ZFPM2: variants seen among roughly 807,000 people sequenced by gnomAD.
ZFPM2 encodes the protein zinc finger protein, FOG family member 2.
ZFPM2 carries 20 observed loss-of-function variants against 98.6 expected under a neutral mutation model. The ratio of observed to expected loss-of-function variants is 0.20; its 90% CI spans 0.14 to 0.29. ZFPM2 has a LOEUF of 0.29. ZFPM2 is among the 10% of genes least tolerant of loss of function. The pLI is 1.00. For synonymous variants in ZFPM2, 518 were observed against 502.7 expected (o/e 1.03, Z -0.41); for missense variants, 1,310 against 1,388.6 (o/e 0.94, Z 0.90).
intron 4 of ZFPM2, among the ~76,000 whole-genome samples, chr8:105,591,449 A>C (rs1225782341): frequency 2.0e-5 from 3 of 152,226 alleles, no homozygotes; most frequent in Non-Finnish European, 4.4e-5. Context: ...TTATATAGAC[A>C]GTACTGTAAA....
At chr8:105,552,545 C>T (rs2130666787) in intron 3 of ZFPM2, among the ~76,000 whole-genome samples, 1 of 152,292 alleles carries the variant, frequency 6.6e-6, no homozygotes, top group East Asian at 1.9e-4. Context: ...GCTGAAAAGT[C>T]TCCAACGACC....
intron 1 of ZFPM2, among the ~76,000 whole-genome samples, chr8:105,344,650 C>T (rs1306339959): frequency 6.6e-6 from 1 of 151,742 alleles, no homozygotes; most frequent in Non-Finnish European, 1.5e-5. Context: ...TTCTGTGTGC[C>T]CCCTTCATTT....
chr8:105,640,630 C>T (rs1816932468), intron 5 of ZFPM2, among the ~76,000 whole-genome samples: 2 of 152,022 alleles, frequency 1.3e-5, no homozygotes, highest in Admixed American at 1.3e-4. Context: ...TTTCTGCACA[C>T]TCTCTAAATT....
At chr8:105,616,935 T>G (rs1312528998) in intron 4 of ZFPM2, among the ~76,000 whole-genome samples, 2 of 143,034 alleles carry the variant, frequency 1.4e-5, no homozygotes, top group Non-Finnish European at 3.0e-5. Context: ...TGAGAATCAC[T>G]TGAACCTGGG....
rs1296532659 is a variant in ZFPM2 at position 105,763,075 on chromosome 8, T to A, written c.533-25643T>A. On this transcript the variant is annotated intron_variant, in intron 5 of 7. Coordinates refer to ENST00000407775, the MANE Select transcript of ZFPM2 (RefSeq NM_012082.4). ...TTATTTCTTTCTTTTTTTTTTTTTT[T>A]AGTTTCCCCTAATCTATCCAGCTTT... Among the ~76,000 whole-genome samples the A allele has an allele frequency of 2.0e-5, 3 of 150,032 alleles. No individual in the cohort carries two copies. In the East Asian group the frequency reaches 5.9e-4, roughly 29 times the overall value.
intron 5 of ZFPM2, among the ~76,000 whole-genome samples, chr8:105,651,697 C>A (rs1817181934): frequency 6.6e-6 from 1 of 150,972 alleles, no homozygotes; most frequent in African/African-American, 2.5e-5. Context: ...ACCTCAAAGG[C>A]AACAATTCAA....
intron 1 of ZFPM2, among the ~76,000 whole-genome samples, chr8:105,410,683 C>G (rs1329256049): frequency 6.6e-6 from 1 of 151,760 alleles, no homozygotes; most frequent in Non-Finnish European, 1.5e-5. Flanking sequence ...AGAATAGTAG[C>G]AATATTTTGA....
intron 2 of ZFPM2, among the ~76,000 whole-genome samples, chr8:105,429,880 T>A (rs747816471): frequency 6.6e-6 from 1 of 152,220 alleles, no homozygotes; most frequent in Non-Finnish European, 1.5e-5. Flanking sequence ...CATCTTATTT[T>A]CACACTGTTA....
chr8:105,610,025 C>T (rs1563741705), intron 4 of ZFPM2, among the ~76,000 whole-genome samples: 1 of 152,088 alleles, frequency 6.6e-6, no homozygotes, highest in Non-Finnish European at 1.5e-5. Flanking sequence ...GATAGGATAA[C>T]CAGAGCATAA....
rs571657880 is a variant in ZFPM2, at chr8:105,377,768, A to T, written c.41-41376A>T. ...GCACACCAGCCTGAGTGACAGATCA[A>T]TACTCTGTCTCAAAAGAAAAATAAA... On this transcript the variant is annotated intron_variant, in intron 1 of 7. Coordinates refer to ENST00000407775, the MANE Select transcript of ZFPM2 (RefSeq NM_012082.4). Among the ~76,000 whole-genome samples, 286 of 152,276 alleles carry T rather than the reference A, an allele frequency of 1.9e-3. 1 individual carries two copies. Among genetic ancestry groups the T allele is most frequent in the African/African-American group, 6.6e-3 (275 of 41,550 alleles).
chr8:105,663,934 C>T (rs1817440829), intron 5 of ZFPM2, among the ~76,000 whole-genome samples: 1 of 152,088 alleles, frequency 6.6e-6, no homozygotes, highest in Non-Finnish European at 1.5e-5. Context: ...AGTAAACACC[C>T]CCACTTGAAA....
intron 3 of ZFPM2, among the ~76,000 whole-genome samples, chr8:105,531,024 A>G (rs1814286850): frequency 6.6e-6 from 1 of 152,146 alleles, no homozygotes; most frequent in Admixed American, 6.6e-5. Context: ...CTAAGAAATA[A>G]TTGTCTTAAA....
At chr8:105,731,059 A>G (rs1369124306) in intron 5 of ZFPM2, among the ~76,000 whole-genome samples, 1 of 151,638 alleles carries the variant, frequency 6.6e-6, no homozygotes, top group Admixed American at 6.6e-5. Context: ...AGAGCAAAAT[A>G]AAACTGAAAA....
intron 5 of ZFPM2, chr8:105,737,469 T>C (rs1278198368): frequency 6.5e-6 from 1 of 153,004 alleles, no homozygotes; most frequent in Non-Finnish European, 1.5e-5. Context: ...AGTGCTATTT[T>C]CACTATGCTT....
At chr8:105,665,388 A>G (rs1235848720) in intron 5 of ZFPM2, among the ~76,000 whole-genome samples, 4 of 152,162 alleles carry the variant, frequency 2.6e-5, no homozygotes, top group South Asian at 2.1e-4. Flanking sequence ...CTTATTTATT[A>G]TATTGGTACA....
chr8:105,343,056 A>G (rs1458453555), intron 1 of ZFPM2, among the ~76,000 whole-genome samples: 1 of 152,122 alleles, frequency 6.6e-6, no homozygotes. Context: ...AGTGGGAAAC[A>G]TGAATTAACA....
intron 1 of ZFPM2, among the ~76,000 whole-genome samples, chr8:105,339,207 C>T (rs1209604010): frequency 6.6e-6 from 1 of 151,790 alleles, no homozygotes; most frequent in South Asian, 2.1e-4. Flanking sequence ...CTACCGACAC[C>T]GAACAATAGA....
chr8:105,458,621 G>A (rs1812644214), intron 3 of ZFPM2, among the ~76,000 whole-genome samples: 1 of 152,052 alleles, frequency 6.6e-6, no homozygotes, highest in African/African-American at 2.4e-5. Context: ...AAATGATCGA[G>A]TATCTGAAAT....
At chr8:105,480,391 G>A (rs1336139610) in intron 3 of ZFPM2, among the ~76,000 whole-genome samples, 4 of 152,100 alleles carry the variant, frequency 2.6e-5, no homozygotes, top group Admixed American at 1.3e-4. Context: ...GCATAACTGA[G>A]CCTACAAATA....
Sources: gnomAD v4.1 joint callset for allele counts (sites outside exome capture counted in the v4.1 genomes callset) on GRCh38, gnomAD v4.1.1 for gene constraint, MANE v1.5 for transcripts, NCBI Gene and HGNC (gene_info 2026-07-23, HGNC 2026-07-21) for gene names.